The following DCAF8 variants were observed in gnomAD, a reference collection of about 807,000 sequenced individuals.
The protein encoded by DCAF8 is DDB1 and CUL4 associated factor 8.
In DCAF8, 20 loss-of-function variants were observed where a neutral mutation model predicts 68.0. That is an observed-to-expected ratio of 0.29 (90% CI 0.21 to 0.43). DCAF8 has a LOEUF of 0.43. Among genes scored for constraint, DCAF8 ranks in the 20% least tolerant of loss-of-function variants. DCAF8 has a pLI of 1.00. For synonymous variants in DCAF8, 230 were observed against 276.9 expected (o/e 0.83, Z 1.68); for missense variants, 460 against 771.0 (o/e 0.60, Z 4.78).
chr1:160,261,063 T>C (rs1657069795), intron 2 of DCAF8, among the ~76,000 whole-genome samples: 1 of 152,116 alleles, frequency 6.6e-6, no homozygotes, highest in Admixed American at 6.5e-5. Context: ...TAGGCTTAAG[T>C]CATTTGGAGA....
chr1:160,253,400 C>T (rs1656681448), intron 2 of DCAF8, among the ~76,000 whole-genome samples: 2 of 152,046 alleles, frequency 1.3e-5, no homozygotes, highest in Admixed American at 1.3e-4. Flanking sequence ...GTAATCCCAG[C>T]ACTTTGGGAG....
chr1:160,230,378 T>A (rs560390878), intron 7 of DCAF8, among the ~76,000 whole-genome samples: 2 of 152,230 alleles, frequency 1.3e-5, no homozygotes, highest in South Asian at 4.1e-4. Flanking sequence ...GCCAACTGGA[T>A]AGGGATGGAT....
At chr1:160,251,512 G>T (rs79003004) in intron 2 of DCAF8, among the ~76,000 whole-genome samples, 3,922 of 151,872 alleles carry the variant, frequency 0.026, 63 homozygotes, top group East Asian at 0.092. Flanking sequence ...TCTCGCTGTT[G>T]TCCAGGCTGG....
chr1:160,236,389 T>C (rs1176897015), intron 6 of DCAF8, among the ~76,000 whole-genome samples: 1 of 151,700 alleles, frequency 6.6e-6, no homozygotes, highest in East Asian at 1.9e-4. Context: ...TGTGTGTATA[T>C]ATGTGTACAT....
chr1:160,222,828 G>A, intron 10 of DCAF8, 47 bp from the exon 11 acceptor site: 6 of 1,609,772 alleles, frequency 3.7e-6, no homozygotes, highest in Non-Finnish European at 5.1e-6. Context: ...TTGGCATCAG[G>A]CCTATATACA....
chr1:160,248,707 A>G (rs1656457917), intron 2 of DCAF8, among the ~76,000 whole-genome samples: 1 of 150,608 alleles, frequency 6.6e-6, no homozygotes, highest in East Asian at 2.0e-4. Context: ...ATCTCAAAAA[A>G]AGAAAAAAAA....
intron 2 of DCAF8, among the ~76,000 whole-genome samples, chr1:160,258,374 T>C (rs1656923507): frequency 6.6e-6 from 1 of 151,846 alleles, no homozygotes; most frequent in Non-Finnish European, 1.5e-5. Context: ...CTTTAAGAGG[T>C]TGGTGGTGGG....
At chr1:160,244,554 T>C (rs1325613911) in intron 2 of DCAF8, among the ~76,000 whole-genome samples, 2 of 152,160 alleles carry the variant, frequency 1.3e-5, no homozygotes. Context: ...AATCAACCTC[T>C]TGGGGGAAGA....
At position 160,216,288 on chromosome 1, in the gene DCAF8, AGAGT is replaced by A. The variant is rs1288196564; in HGVS notation, c.*1300_*1303del. The A allele has an allele frequency of 2.0e-5, 3 of 152,168 alleles. No homozygotes were observed. Among genetic ancestry groups the A allele is most frequent in the African/African-American group, 7.2e-5 (3 of 41,426 alleles). The allele number at this position is 152,168 out of a possible 1,614,324, so 9.4% of individuals were successfully genotyped here. A position where few individuals can be genotyped will look rare whatever the true frequency, so the allele number is the denominator to read the frequency against. On this transcript the variant is annotated 3_prime_UTR_variant, in exon 14 of 14. Coordinates refer to ENST00000368074, the MANE Select transcript of DCAF8 (RefSeq NM_015726.4). ...TCAAGCAGCTAAAGGTAAGAGAGAC[AGAGT>A]GAGAGAGTGTGTATGTATGTGTGTG...
At chr1:160,246,785 A>C (rs1159557758) in intron 2 of DCAF8, among the ~76,000 whole-genome samples, 3 of 152,136 alleles carry the variant, frequency 2.0e-5, no homozygotes, top group African/African-American at 7.2e-5. Flanking sequence ...CAACATAAGA[A>C]GACCCCCGTC....
At chr1:160,256,731 C>T (rs983999369) in intron 2 of DCAF8, among the ~76,000 whole-genome samples, 1 of 152,186 alleles carries the variant, frequency 6.6e-6, no homozygotes, top group Admixed American at 6.5e-5. Context: ...TAATACATTT[C>T]ATTAATAAGA....
At chr1:160,229,145 A>C (rs1467813307) in intron 7 of DCAF8, among the ~76,000 whole-genome samples, 1 of 152,170 alleles carries the variant, frequency 6.6e-6, no homozygotes, top group Non-Finnish European at 1.5e-5. Context: ...AAAAATACAA[A>C]AATAGCCAGG....
intron 6 of DCAF8, among the ~76,000 whole-genome samples, chr1:160,236,934 T>G (rs1314740742): frequency 1.3e-5 from 2 of 152,036 alleles, no homozygotes; most frequent in Non-Finnish European, 2.9e-5. Flanking sequence ...GTAAACTGTT[T>G]GAGAAATGAA....
At chr1:160,224,418 A>T (rs1260107977) in intron 10 of DCAF8, 24 bp downstream of exon 10, 1 of 1,590,020 alleles carries the variant, frequency 6.3e-7, no homozygotes, top group Non-Finnish European at 8.6e-7. Context: ...CTTGGGCCAA[A>T]GAAACCTAGG....
intron 11 of DCAF8, 68 bp downstream of exon 11, chr1:160,222,583 C>T: frequency 6.3e-7 from 1 of 1,584,674 alleles, no homozygotes; most frequent in Admixed American, 1.7e-5. Flanking sequence ...AATTCAGTGT[C>T]CCTGCTAAAA....
At chr1:160,217,745 A>G (rs1438094892) in intron 13 of DCAF8, 37 bp from the exon 14 acceptor site, 3 of 1,541,842 alleles carry the variant, frequency 1.9e-6, no homozygotes, top group Non-Finnish European at 1.8e-6. Flanking sequence ...ACTTCCCTGG[A>G]TGGAACAAGG....
chr1:160,243,327 G>A (rs1656190766), intron 3 of DCAF8, among the ~76,000 whole-genome samples: 1 of 151,962 alleles, frequency 6.6e-6, no homozygotes, highest in Non-Finnish European at 1.5e-5. Flanking sequence ...AGAAGGGAGG[G>A]GAAGTAAGGA....
intron 4 of DCAF8, 142 bp downstream of exon 4, chr1:160,239,555 C>A: frequency 6.3e-7 from 1 of 1,577,208 alleles, no homozygotes; most frequent in Non-Finnish European, 8.6e-7. Flanking sequence ...GTATTTAGGT[C>A]ATTAGGGGAG....
intron 6 of DCAF8, among the ~76,000 whole-genome samples, chr1:160,236,271 CACACAT>C (rs751248301): frequency 0.025 from 3,802 of 151,940 alleles, 49 homozygotes; most frequent in Non-Finnish European, 0.035. Flanking sequence ...CAAACACACA[CACACAT>C]ACATACACGT....
Sources: allele counts gnomAD v4.1 joint callset (sites outside exome capture counted in the v4.1 genomes callset), GRCh38; gene constraint gnomAD v4.1.1; transcripts MANE v1.5; gene names NCBI Gene and HGNC (gene_info 2026-07-23, HGNC 2026-07-21).